ITGB6: variants seen among roughly 807,000 people sequenced by gnomAD.
ITGB6 encodes the protein integrin subunit beta 6, also known as integrin beta-6.
A neutral mutation model predicts 84.5 loss-of-function variants in ITGB6; 80 were observed. The observed-to-expected ratio is 0.95, with a 90% CI of 0.79 to 1.14. The LOEUF is 1.14. ITGB6 is among the 50% of genes most tolerant of loss of function. The pLI is 0.00. For synonymous variants in ITGB6, 383 were observed against 354.9 expected (o/e 1.08, Z -0.89); for missense variants, 1,006 against 968.0 (o/e 1.04, Z -0.52).
intron 12 of ITGB6, among the ~76,000 whole-genome samples, chr2:160,117,054 C>A (rs1247962223): frequency 6.6e-6 from 1 of 150,738 alleles, no homozygotes; most frequent in Admixed American, 6.6e-5. Flanking sequence ...GACTCCCACA[C>A]AATAATAATG....
chr2:160,137,890 A>T (rs375944641), intron 9 of ITGB6, 39 bp from the exon 10 acceptor site: 16 of 1,595,080 alleles, frequency 1.0e-5, no homozygotes, highest in African/African-American at 1.3e-5. Flanking sequence ...TCCATCCACC[A>T]AAATGCACGA....
At chr2:160,135,551 T>C (rs1683673966) in intron 10 of ITGB6, among the ~76,000 whole-genome samples, 1 of 152,008 alleles carries the variant, frequency 6.6e-6, no homozygotes, top group South Asian at 2.1e-4. Flanking sequence ...TGGAAAAAAC[T>C]ACTTTATAGT....
chr2:160,113,246 T>A (rs1682608063), intron 12 of ITGB6, among the ~76,000 whole-genome samples: 1 of 152,200 alleles, frequency 6.6e-6, no homozygotes, highest in Non-Finnish European at 1.5e-5. Context: ...CCCATTAGCT[T>A]AAAAATAAAA....
rs1469805601 is a variant in ITGB6 at position 160,174,022 on chromosome 2, G to A, written c.711C>T (p.Asp237=). ...TTGCATCAAATCCACCTTCGGGTGT[G>A]TCAATATTAGCAGAAATTTTCTGAT... ...VKNQKISANI[D]TPEGGFDAIM... Residue 237 remains aspartate (D), a synonymous_variant, in exon 5 of 15, where the codon GAC becomes GAT. Coordinates refer to ENST00000283249, the MANE Select transcript of ITGB6 (RefSeq NM_000888.5). The A allele has an allele frequency of 6.2e-7, 1 of 1,613,626 alleles. No homozygotes were observed. The highest frequency in any genetic ancestry group is 8.5e-7 in the Non-Finnish European group (1 of 1,179,918).
intron 12 of ITGB6, among the ~76,000 whole-genome samples, chr2:160,122,523 C>T (rs1419995518): frequency 6.6e-6 from 1 of 152,100 alleles, no homozygotes; most frequent in African/African-American, 2.4e-5. Flanking sequence ...GAAATGAGCC[C>T]AGAAGGTGAT....
Position 160,172,600 on chromosome 2 carries a change from C to G in ITGB6, c.890G>C (p.Ser297Thr). 7 of 1,609,398 alleles carry G rather than the reference C, an allele frequency of 4.3e-6. No homozygotes were observed. In the South Asian group the frequency reaches 7.7e-5, roughly 18 times the overall value. Residue 297 changes from serine (S) to threonine (T), a missense_variant, in exon 6 of 15, where the codon AGC (serine) becomes ACC (threonine). Physicochemically the swap from Ser to Thr is moderately conservative, Grantham distance 58 (BLOSUM62 1). Coordinates refer to ENST00000283249, the MANE Select transcript of ITGB6 (RefSeq NM_000888.5). ...IPNDGLCHLD[S>T]KNEYSMSTVL... ...AGTTGACATGGAGTATTCATTCTTG[C>G]TGTCCAAGTGACAGAGCCCGTCATT...
chr2:160,134,227 C>A (rs1683606630), intron 10 of ITGB6, among the ~76,000 whole-genome samples: 3 of 152,156 alleles, frequency 2.0e-5, no homozygotes, highest in Admixed American at 2.0e-4. Flanking sequence ...CGGGATATCA[C>A]CACTGATCCC....
intron 6 of ITGB6, among the ~76,000 whole-genome samples, chr2:160,171,394 G>T (rs1219777671): frequency 6.7e-6 from 1 of 149,936 alleles, no homozygotes; most frequent in East Asian, 2.0e-4. Flanking sequence ...GAGTGCAGTG[G>T]TGCGATCTTG....
chr2:160,113,134 A>G (rs992810361), intron 12 of ITGB6, among the ~76,000 whole-genome samples: 20 of 152,248 alleles, frequency 1.3e-4, no homozygotes, highest in African/African-American at 4.8e-4. Flanking sequence ...CTTTTAGGAC[A>G]TAGGTCCAAA....
intron 12 of ITGB6, among the ~76,000 whole-genome samples, chr2:160,119,500 T>C (rs1682934567): frequency 6.6e-6 from 1 of 151,938 alleles, no homozygotes; most frequent in African/African-American, 2.4e-5. Flanking sequence ...CCTTACACCT[T>C]ATACAAAAAT....
At chr2:160,161,714 T>C (rs1219543484) in intron 7 of ITGB6, among the ~76,000 whole-genome samples, 3 of 152,198 alleles carry the variant, frequency 2.0e-5, no homozygotes, top group African/African-American at 7.2e-5. Context: ...GCAAATAGTA[T>C]ATATTAGTTT....
At chr2:160,107,271 A>G (rs1696946372) in intron 14 of ITGB6, among the ~76,000 whole-genome samples, 1 of 152,174 alleles carries the variant, frequency 6.6e-6, no homozygotes, top group South Asian at 2.1e-4. Flanking sequence ...TTATCGTACT[A>G]TTTATGAACA....
At position 160,130,825 on chromosome 2, in the gene ITGB6, G is replaced by A. The variant is rs186316465; in HGVS notation, c.1661-4224C>T. ...ATATGATTTACAAATATTATTAAAT[G>A]AAAGATGCATTTCCAAATGCTTTGA... is the stretch of plus-strand genomic sequence containing the variant. On this transcript the variant is annotated intron_variant, in intron 10 of 14. Coordinates refer to ENST00000283249, the MANE Select transcript of ITGB6 (RefSeq NM_000888.5). Among the ~76,000 whole-genome samples the A allele has an allele frequency of 3.3e-5, 5 of 152,282 alleles. No homozygotes were observed. The East Asian group carries it at 9.6e-4, about 29-fold the overall frequency.
intron 4 of ITGB6, among the ~76,000 whole-genome samples, chr2:160,183,206 G>T (rs10084364): frequency 0.21 from 31,520 of 152,072 alleles, 7,237 homozygotes; most frequent in African/African-American, 0.55. Flanking sequence ...GCAAATTGGA[G>T]AAAGAGTCAA....
At chr2:160,126,087 G>GAGGC (rs1559114836) in intron 11 of ITGB6, among the ~76,000 whole-genome samples, 1 of 152,172 alleles carries the variant, frequency 6.6e-6, no homozygotes, top group Non-Finnish European at 1.5e-5. Context: ...TTGTAATGGA[G>GAGGC]AGGCGATCTG....
intron 14 of ITGB6, among the ~76,000 whole-genome samples, chr2:160,102,358 A>G (rs1351782349): frequency 2.0e-5 from 3 of 152,240 alleles, no homozygotes; most frequent in African/African-American, 4.8e-5. Context: ...GATGAAATCA[A>G]AACTCAGAAG....
chr2:160,188,191 C>A (rs1351622662), intron 4 of ITGB6, among the ~76,000 whole-genome samples: 1 of 152,120 alleles, frequency 6.6e-6, no homozygotes, highest in Non-Finnish European at 1.5e-5. Context: ...CTACTAAGAA[C>A]ATTTTATTCT....
chr2:160,184,101 C>G (rs1384341776), intron 4 of ITGB6, among the ~76,000 whole-genome samples: 2 of 152,118 alleles, frequency 1.3e-5, no homozygotes, highest in Non-Finnish European at 2.9e-5. Flanking sequence ...AATTCCAAAG[C>G]TAGCAGGGGA....
At chr2:160,178,361 A>G (rs987460496) in intron 4 of ITGB6, among the ~76,000 whole-genome samples, 6 of 152,324 alleles carry the variant, frequency 3.9e-5, no homozygotes, top group Admixed American at 3.3e-4. Context: ...TGTTTAATCT[A>G]TTATTTGGGG....
Sources: gnomAD v4.1 joint callset for allele counts (sites outside exome capture counted in the v4.1 genomes callset) on GRCh38, gnomAD v4.1.1 for gene constraint, MANE v1.5 for transcripts, NCBI Gene and HGNC (gene_info 2026-07-23, HGNC 2026-07-21) for gene names.